KIAA1671: variants seen among roughly 807,000 people sequenced by gnomAD.
KIAA1671 encodes the protein uncharacterized protein KIAA1671.
KIAA1671 carries 52 observed loss-of-function variants against 131.2 expected under a neutral mutation model. The ratio of observed to expected loss-of-function variants is 0.40; its 90% CI spans 0.32 to 0.50. The LOEUF (loss-of-function observed/expected upper bound fraction) is 0.50. KIAA1671 is among the 20% of genes least tolerant of loss of function. The pLI is 0.73. For synonymous variants in KIAA1671, 1,003 were observed against 961.6 expected, an observed-to-expected ratio of 1.04 and a Z score of -0.80; for missense variants, 2,360 against 2,364.2, an observed-to-expected ratio of 1.00 and a Z score of 0.04.
intron 1 of KIAA1671, among the ~76,000 whole-genome samples, chr22:25,004,162 GTGT>G (rs1052453237): frequency 1.3e-5 from 2 of 150,912 alleles, no homozygotes; most frequent in African/African-American, 4.9e-5. Flanking sequence ...GTTGTTCAAG[GTGT>G]TGTGCAGTGG....
chr22:25,005,805 G>C (rs1338926630), intron 1 of KIAA1671, among the ~76,000 whole-genome samples: 1 of 152,214 alleles, frequency 6.6e-6, no homozygotes, highest in African/African-American at 2.4e-5. Flanking sequence ...TGAGAAGGCA[G>C]AGAATGAAGC....
chr22:25,017,521 T>G (rs1925394333), intron 1 of KIAA1671, among the ~76,000 whole-genome samples: 1 of 152,230 alleles, frequency 6.6e-6, no homozygotes, highest in African/African-American at 2.4e-5. Flanking sequence ...TTTGGTCTAG[T>G]GTCTGAGCCT....
At chr22:25,018,720 G>A (rs1365409861) in intron 1 of KIAA1671, among the ~76,000 whole-genome samples, 1 of 152,162 alleles carries the variant, frequency 6.6e-6, no homozygotes, top group Non-Finnish European at 1.5e-5. Flanking sequence ...CATCCGTATT[G>A]TAGCATATTG....
intron 6 of KIAA1671, among the ~76,000 whole-genome samples, chr22:25,093,854 C>CTCTCTCTCTCTCTG (rs1930263027): frequency 8.7e-6 from 1 of 114,708 alleles, no homozygotes; most frequent in East Asian, 2.4e-4. Context: ...CTCTCTCTCT[C>CTCTCTCTCTCTCTG]TCTCTCTCTC....
intron 6 of KIAA1671, among the ~76,000 whole-genome samples, chr22:25,110,366 T>A (rs1931268043): frequency 6.6e-6 from 1 of 152,156 alleles, no homozygotes; most frequent in Non-Finnish European, 1.5e-5. Flanking sequence ...ATTGTGTACT[T>A]GGTGTCCGAA....
At chr22:25,088,399 G>A (rs1045430638) in intron 6 of KIAA1671, among the ~76,000 whole-genome samples, 3 of 152,136 alleles carry the variant, frequency 2.0e-5, no homozygotes, top group Non-Finnish European at 2.9e-5. Flanking sequence ...GAGCCACCAC[G>A]CCTGGCCAAT....
chr22:25,188,453 T>G (rs1215860666), intron 11 of KIAA1671, among the ~76,000 whole-genome samples: 3 of 115,704 alleles, frequency 2.6e-5, no homozygotes, highest in African/African-American at 2.0e-4. Flanking sequence ...ATCGGGTGTG[T>G]GTGTGTGTGT....
chr22:24,988,735 C>CAAAAAA (rs133092), intron 1 of KIAA1671, among the ~76,000 whole-genome samples: 2 of 106,514 alleles, frequency 1.9e-5, no homozygotes, highest in Non-Finnish European at 3.9e-5. Context: ...GACTCCATCT[C>CAAAAAA]AAAAAAAAAA....
chr22:25,070,450 G>A (rs1045200916), intron 6 of KIAA1671: 8 of 438,834 alleles, frequency 1.8e-5, no homozygotes, highest in East Asian at 3.5e-5. Flanking sequence ...GCTCCAGGAC[G>A]GGGTCACGTC....
intron 1 of KIAA1671, among the ~76,000 whole-genome samples, chr22:24,966,976 G>T (rs1019519476): frequency 6.6e-6 from 1 of 152,164 alleles, no homozygotes; most frequent in African/African-American, 2.4e-5. Flanking sequence ...ACGAATGAAT[G>T]AATGGGTTCT....
chr22:25,191,781 T>C, intron 12 of KIAA1671, among the ~76,000 whole-genome samples: 1 of 152,146 alleles, frequency 6.6e-6, no homozygotes, highest in East Asian at 1.9e-4. Flanking sequence ...CACCATCCCT[T>C]ATCCACAAAG....
chr22:25,109,566 A>G (rs1931225376), intron 6 of KIAA1671, among the ~76,000 whole-genome samples: 1 of 152,256 alleles, frequency 6.6e-6, no homozygotes, highest in South Asian at 2.1e-4. Context: ...CTTGGAGGAC[A>G]TCTATCAGCC....
At chr22:25,149,986 G>A (rs1175395774) in intron 6 of KIAA1671, among the ~76,000 whole-genome samples, 2 of 152,056 alleles carry the variant, frequency 1.3e-5, no homozygotes, top group East Asian at 1.9e-4. Context: ...CGGCCTTTGC[G>A]CTTCCCGTGC....
intron 6 of KIAA1671, among the ~76,000 whole-genome samples, chr22:25,153,561 TG>T (rs1254389137): frequency 6.6e-6 from 1 of 152,214 alleles, no homozygotes; most frequent in Non-Finnish European, 1.5e-5. Flanking sequence ...ACCTGGCCCC[TG>T]GGTTTGAGAT....
At chr22:25,063,861 G>T (rs535241021) in intron 6 of KIAA1671, 1 of 152,310 alleles carries the variant, frequency 6.6e-6, no homozygotes, top group Non-Finnish European at 1.5e-5. Flanking sequence ...GTACGTCCTT[G>T]TAGGTATCTT....
chr22:25,035,792 T>C (rs1054769335), intron 4 of KIAA1671, among the ~76,000 whole-genome samples: 4 of 152,194 alleles, frequency 2.6e-5, no homozygotes, highest in Admixed American at 2.0e-4. Flanking sequence ...TTTGTGTATG[T>C]TTAAAACTTT....
chr22:25,115,266 C>T (rs1225130308), intron 6 of KIAA1671, among the ~76,000 whole-genome samples: 1 of 152,144 alleles, frequency 6.6e-6, no homozygotes. Flanking sequence ...AATTCCAGAA[C>T]CCAGGAACAA....
intron 6 of KIAA1671, among the ~76,000 whole-genome samples, chr22:25,162,178 A>C (rs1436126111): frequency 6.6e-5 from 10 of 152,330 alleles, no homozygotes; most frequent in African/African-American, 2.4e-4. Context: ...GTCAGCGCTC[A>C]GGAGTGTCAG....
At chr22:25,093,713 ACACACACACACACACACACACACACT>A (rs1930140307) in intron 6 of KIAA1671, among the ~76,000 whole-genome samples, 1 of 116,130 alleles carries the variant, frequency 8.6e-6, no homozygotes. Context: ...ACACACACAC[ACACACACACACACACACACACACACT>A]CTCTCTCTCT....
Sources: gnomAD v4.1 joint callset for allele counts (sites outside exome capture counted in the v4.1 genomes callset) on GRCh38, gnomAD v4.1.1 for gene constraint, MANE v1.5 for transcripts, NCBI Gene and HGNC (gene_info 2026-07-23, HGNC 2026-07-21) for gene names.